Variants in SNX29 observed in about 807,000 individuals in gnomAD.
SNX29 encodes sorting nexin 29, also known as sorting nexin-29.
Under a neutral mutation model 102.1 loss-of-function variants are expected in SNX29, and 78 were observed. The observed-to-expected ratio is 0.76, with a 90% confidence interval of 0.64 to 0.92. The LOEUF (loss-of-function observed/expected upper bound fraction) is 0.92. Among genes scored for constraint, SNX29 ranks in the 40% least tolerant of loss-of-function variants. The probability of loss-of-function intolerance (pLI) is 0.00; values close to 1 mark genes in which losing one functional copy is unlikely to be tolerated. For synonymous variants in SNX29, 580 were observed against 414.5 expected, an observed-to-expected ratio of 1.40 and a Z score of -4.85; for missense variants, 1,280 against 1,061.7, an observed-to-expected ratio of 1.21 and a Z score of -2.86.
intron 14 of SNX29, among the ~76,000 whole-genome samples, chr16:12,245,384 C>A (rs1009596602): frequency 6.6e-6 from 1 of 151,896 alleles, no homozygotes; most frequent in East Asian, 1.9e-4. Context: ...CGCTCAGTAA[C>A]TGTGACTGCT....
intron 16 of SNX29, among the ~76,000 whole-genome samples, chr16:12,358,272 C>T (rs191733214): frequency 3.1e-4 from 47 of 152,200 alleles, no homozygotes; most frequent in Non-Finnish European, 4.1e-4. Flanking sequence ...TGTTTTCATC[C>T]GCTGTTCCTG....
At chr16:12,233,876 T>C (rs1596578874) in intron 14 of SNX29, among the ~76,000 whole-genome samples, 1 of 152,194 alleles carries the variant, frequency 6.6e-6, no homozygotes, top group Non-Finnish European at 1.5e-5. Context: ...TTGTGATAGG[T>C]TTCCTTCATT....
intron 1 of SNX29, among the ~76,000 whole-genome samples, chr16:11,979,242 T>A (rs1596517252): frequency 9.0e-6 from 1 of 110,976 alleles, no homozygotes; most frequent in Admixed American, 1.4e-4. Flanking sequence ...GCCACTGCAC[T>A]CCAGCCTGGG....
chr16:12,176,058 A>G (rs180785897), intron 13 of SNX29, among the ~76,000 whole-genome samples: 1 of 152,214 alleles, frequency 6.6e-6, no homozygotes, highest in East Asian at 1.9e-4. Flanking sequence ...CAGGGGACAC[A>G]CTGGCAGAGA....
At chr16:12,156,322 C>T (rs1263757128) in intron 13 of SNX29, among the ~76,000 whole-genome samples, 1 of 152,210 alleles carries the variant, frequency 6.6e-6, no homozygotes, top group African/African-American at 2.4e-5. Context: ...TACAGGCACC[C>T]ACCACCACAC....
At chr16:12,022,809 G>C (rs2151099727) in intron 3 of SNX29, among the ~76,000 whole-genome samples, 1 of 151,834 alleles carries the variant, frequency 6.6e-6, no homozygotes, top group South Asian at 2.1e-4. Context: ...ATCATACAGT[G>C]TGTGGTGTTT....
intron 20 of SNX29, among the ~76,000 whole-genome samples, chr16:12,551,819 C>T (rs1227986099): frequency 2.0e-5 from 3 of 152,158 alleles, no homozygotes; most frequent in Non-Finnish European, 4.4e-5. Flanking sequence ...ATCCCCGCCT[C>T]AGTTTTGTCA....
chr16:12,021,884 C>G (rs1229223978), intron 3 of SNX29, among the ~76,000 whole-genome samples: 1 of 150,768 alleles, frequency 6.6e-6, no homozygotes, highest in Non-Finnish European at 1.5e-5. Flanking sequence ...GAGCGAGGCT[C>G]CATCTCAAAA....
intron 4 of SNX29, chr16:12,029,764 G>C (rs2057290528): frequency 2.0e-5 from 7 of 354,622 alleles, no homozygotes; most frequent in South Asian, 1.5e-4. Context: ...GCTAATTTTT[G>C]TATTTTTAGT....
At chr16:12,313,272 C>T (rs2080623285) in intron 15 of SNX29, among the ~76,000 whole-genome samples, 1 of 152,164 alleles carries the variant, frequency 6.6e-6, no homozygotes. Flanking sequence ...CCTCGGCCTC[C>T]CGAAGTGCTG....
At chr16:12,333,698 A>C (rs2081362268) in intron 15 of SNX29, among the ~76,000 whole-genome samples, 1 of 152,088 alleles carries the variant, frequency 6.6e-6, no homozygotes, top group South Asian at 2.1e-4. Context: ...GCTCCTGATA[A>C]GAATTTCTTC....
chr16:12,348,536 C>G (rs1279294628), intron 15 of SNX29, among the ~76,000 whole-genome samples: 2 of 150,796 alleles, frequency 1.3e-5, no homozygotes, highest in African/African-American at 2.5e-5. Context: ...TTCCCCGGCT[C>G]TGTGTGTGTG....
intron 13 of SNX29, among the ~76,000 whole-genome samples, chr16:12,169,657 C>G (rs143175388): frequency 6.6e-6 from 1 of 152,092 alleles, no homozygotes; most frequent in Non-Finnish European, 1.5e-5. Context: ...GTCAGTAGTT[C>G]GAGACCAGCC....
intron 9 of SNX29, among the ~76,000 whole-genome samples, chr16:12,062,122 T>C (rs1454522773): frequency 6.6e-6 from 1 of 152,114 alleles, no homozygotes; most frequent in Non-Finnish European, 1.5e-5. Context: ...CTCATGCCTG[T>C]AATCCCAGCA....
intron 20 of SNX29, among the ~76,000 whole-genome samples, chr16:12,530,362 G>T (rs2076898748): frequency 6.6e-6 from 1 of 152,156 alleles, no homozygotes; most frequent in African/African-American, 2.4e-5. Context: ...TAGGGAAAGT[G>T]ATGAAGTTCT....
rs7198586 is a variant in SNX29 at position 12,525,303 on chromosome 16, A to T, written c.2318+462A>T. On this transcript the variant is annotated intron_variant, in intron 20 of 20. Transcript: ENST00000566228. ...TAAAAATGAACATTAATATTATTTA[A>T]ATGCCTTCTTCTCTCTTGAAAAAAG... 3.3e-3 allele frequency among the ~76,000 whole-genome samples: 508 copies of T among 152,034 alleles called. 1 individual carries two copies. Among genetic ancestry groups the T allele is most frequent in the African/African-American group, 0.012 (479 of 41,416 alleles).
At chr16:12,058,537 A>AGG (rs1567167905) in intron 8 of SNX29, among the ~76,000 whole-genome samples, 1 of 116,964 alleles carries the variant, frequency 8.5e-6, no homozygotes, top group Non-Finnish European at 1.6e-5. Context: ...TCTGTCACCC[A>AGG]GGCTGGAGTG....
chr16:12,536,778 C>T (rs1017884188), intron 20 of SNX29, among the ~76,000 whole-genome samples: 1 of 152,138 alleles, frequency 6.6e-6, no homozygotes, highest in Non-Finnish European at 1.5e-5. Flanking sequence ...GAGTTTCAGA[C>T]CAGCCTGGCC....
At chr16:12,565,434 C>CCG (rs386384286) in intron 20 of SNX29, among the ~76,000 whole-genome samples, 1 of 84,208 alleles carries the variant, frequency 1.2e-5, no homozygotes, top group African/African-American at 6.2e-5. Flanking sequence ...CCTCCCGTGG[C>CCG]CTCACCTGCC....
Sources: allele counts gnomAD v4.1 joint callset (sites outside exome capture counted in the v4.1 genomes callset), GRCh38; gene constraint gnomAD v4.1.1; transcripts MANE v1.5; gene names NCBI Gene and HGNC (gene_info 2026-07-23, HGNC 2026-07-21).